The following CYP4X1 variants were observed in gnomAD, a reference collection of about 807,000 sequenced individuals.
CYP4X1 encodes the protein cytochrome P450 family 4 subfamily X member 1.
Under a neutral mutation model 57.9 loss-of-function variants are expected in CYP4X1, and 44 were observed. That is an observed-to-expected ratio of 0.76 (90% CI 0.60 to 0.98). The LOEUF (loss-of-function observed/expected upper bound fraction) is 0.98. Among genes scored for constraint, CYP4X1 ranks in the 50% least tolerant of loss-of-function variants. The pLI is 0.00. For missense variants in CYP4X1, 532 were observed against 623.9 expected (o/e 0.85, Z 1.57); for synonymous variants, 227 against 228.6 (o/e 0.99, Z 0.06).
chr1:47,055,352 A>T (rs116091863), downstream of CYP4X1, among the ~76,000 whole-genome samples: 63,567 of 151,494 alleles, frequency 0.42, 14,635 homozygotes, highest in East Asian at 0.97. Flanking sequence ...TGCATTGATG[A>T]TCATTAAGGA....
chr1:46,967,813 G>T, the CYP4X1 span: 83 of 1,345,346 alleles, frequency 6.2e-5, 1 homozygote, highest in South Asian at 1.7e-3. Flanking sequence ...GCGGAGCAGG[G>T]TCAGGGCCAT....
the CYP4X1 span, among the ~76,000 whole-genome samples, chr1:46,964,234 C>T: frequency 2.0e-5 from 3 of 152,094 alleles, no homozygotes; most frequent in Admixed American, 6.5e-5. Flanking sequence ...GAAGCCTTCT[C>T]TCAATGCATC....
the CYP4X1 span, among the ~76,000 whole-genome samples, chr1:47,009,262 A>T: frequency 6.6e-6 from 1 of 152,088 alleles, no homozygotes; most frequent in Non-Finnish European, 1.5e-5. Context: ...AAACTCACTC[A>T]AAACCGCTCA....
chr1:46,966,764 T>G, the CYP4X1 span, among the ~76,000 whole-genome samples: 2 of 152,204 alleles, frequency 1.3e-5, no homozygotes, highest in Non-Finnish European at 2.9e-5. Flanking sequence ...ATATTAATAA[T>G]AGTTAACTTT....
chr1:46,970,395 T>G, the CYP4X1 span, among the ~76,000 whole-genome samples: 3 of 152,164 alleles, frequency 2.0e-5, no homozygotes, highest in African/African-American at 7.2e-5. Flanking sequence ...CAAGGTCGTT[T>G]TCTTACAAAC....
At chr1:46,999,023 T>G in the CYP4X1 span, among the ~76,000 whole-genome samples, 1 of 102,236 alleles carries the variant, frequency 9.8e-6, no homozygotes, top group African/African-American at 3.3e-5. Flanking sequence ...GGGCTTGCTT[T>G]CTTTGTGTGT....
chr1:47,049,693 C>T (rs749998853), intron 11 of CYP4X1, among the ~76,000 whole-genome samples, 189 bp downstream of exon 11: 12 of 152,112 alleles, frequency 7.9e-5, no homozygotes, highest in Admixed American at 6.5e-5. Flanking sequence ...TTTGGCCATG[C>T]CTCAAAAGCA....
downstream of CYP4X1, among the ~76,000 whole-genome samples, chr1:47,053,289 T>A (rs564013813): frequency 7.2e-5 from 11 of 152,218 alleles, no homozygotes; most frequent in Non-Finnish European, 1.5e-4. Flanking sequence ...GGTGTATATG[T>A]GCCACATTTT....
At chr1:47,015,426 C>A in the CYP4X1 span, among the ~76,000 whole-genome samples, 1 of 152,238 alleles carries the variant, frequency 6.6e-6, no homozygotes, top group South Asian at 2.1e-4. Context: ...CTGCCCCTGC[C>A]GTGGCAGAAG....
chr1:46,978,463 C>A, the CYP4X1 span, among the ~76,000 whole-genome samples: 1 of 152,052 alleles, frequency 6.6e-6, no homozygotes, highest in Non-Finnish European at 1.5e-5. Context: ...TACAGGAGCA[C>A]CCAGATTCAT....
the CYP4X1 span, among the ~76,000 whole-genome samples, chr1:46,962,075 G>C: frequency 6.6e-6 from 1 of 152,136 alleles, no homozygotes; most frequent in Non-Finnish European, 1.5e-5. Flanking sequence ...GTACTAAAGA[G>C]ACTGAATCTG....
chr1:47,047,680 C>T (rs1387539034), intron 9 of CYP4X1, among the ~76,000 whole-genome samples: 1 of 152,174 alleles, frequency 6.6e-6, no homozygotes, highest in Non-Finnish European at 1.5e-5. Context: ...CGGCTCACTG[C>T]AACCTCTGCC....
At chr1:46,975,468 CT>C in the CYP4X1 span, among the ~76,000 whole-genome samples, 7 of 151,544 alleles carry the variant, frequency 4.6e-5, no homozygotes, top group African/African-American at 1.7e-4. Context: ...GATTTCTTTT[CT>C]TTAAGGGTGC....
At chr1:46,969,376 T>C in the CYP4X1 span, among the ~76,000 whole-genome samples, 1 of 152,176 alleles carries the variant, frequency 6.6e-6, no homozygotes, top group Non-Finnish European at 1.5e-5. Flanking sequence ...TAATCCTTTA[T>C]AGCAATGCAA....
chr1:47,052,649 C>G (rs2148518834), downstream of CYP4X1, among the ~76,000 whole-genome samples: 1 of 152,256 alleles, frequency 6.6e-6, no homozygotes. Context: ...TTGAAGATAT[C>G]TCACATACCT....
At chr1:46,962,704 G>A in the CYP4X1 span, among the ~76,000 whole-genome samples, 84 of 152,288 alleles carry the variant, frequency 5.5e-4, no homozygotes, top group East Asian at 0.014. Context: ...GTGCAGTGTC[G>A]TTCTGAGAAG....
At chr1:46,969,314 T>A in the CYP4X1 span, among the ~76,000 whole-genome samples, 2 of 152,324 alleles carry the variant, frequency 1.3e-5, no homozygotes, top group South Asian at 2.1e-4. Flanking sequence ...TACATCCTGA[T>A]GAACCATGAG....
At chr1:47,018,425 TGCC>T in the CYP4X1 span, among the ~76,000 whole-genome samples, 3 of 152,160 alleles carry the variant, frequency 2.0e-5, no homozygotes, top group African/African-American at 4.8e-5. Flanking sequence ...AGACCTGACC[TGCC>T]ACAATCTCCA....
the CYP4X1 span, among the ~76,000 whole-genome samples, chr1:46,974,176 C>T: frequency 1.3e-5 from 2 of 151,978 alleles, no homozygotes; most frequent in African/African-American, 4.8e-5. Flanking sequence ...CATTGTTTAC[C>T]CAAATGTTAT....
Sources: allele counts gnomAD v4.1 joint callset (sites outside exome capture counted in the v4.1 genomes callset), GRCh38; gene constraint gnomAD v4.1.1; transcripts MANE v1.5; gene names NCBI Gene and HGNC (gene_info 2026-07-23, HGNC 2026-07-21).